RAPH1: variants seen among roughly 807,000 people sequenced by gnomAD.
RAPH1 encodes ras-associated and pleckstrin homology domains-containing protein 1.
RAPH1 carries 18 observed loss-of-function variants against 88.1 expected under a neutral mutation model. The observed-to-expected ratio is 0.20, with a 90% CI of 0.14 to 0.30. The LOEUF is 0.30. Among genes scored for constraint, RAPH1 ranks in the 10% least tolerant of loss-of-function variants. RAPH1 has a pLI of 1.00. For synonymous variants in RAPH1, 587 were observed against 559.0 expected, an observed-to-expected ratio of 1.05 and a Z score of -0.71; for missense variants, 1,448 against 1,543.2, an observed-to-expected ratio of 0.94 and a Z score of 1.03.
chr2:203,457,625 G>GT, intron 7 of RAPH1, 30 bp from the exon 8 acceptor site: 1 of 1,499,902 alleles, frequency 6.7e-7, no homozygotes, highest in Non-Finnish European at 9.3e-7. Context: ...GAAGGGATGG[G>GT]TGGGAGAGAA....
intron 4 of RAPH1, among the ~76,000 whole-genome samples, chr2:203,470,477 AAAAAAG>A (rs1189473379): frequency 6.6e-6 from 1 of 152,240 alleles, no homozygotes; most frequent in Non-Finnish European, 1.5e-5. Flanking sequence ...AGAAAATGTA[AAAAAAG>A]AAAAAGAAAA....
intron 1 of RAPH1, among the ~76,000 whole-genome samples, chr2:203,516,443 G>A (rs1689609589): frequency 6.6e-6 from 1 of 152,216 alleles, no homozygotes; most frequent in Non-Finnish European, 1.5e-5. Context: ...CAGTCTAAAT[G>A]TATCAATTGA....
chr2:203,493,971 C>CAAAAAAAAA (rs397937732), intron 2 of RAPH1, among the ~76,000 whole-genome samples: 16 of 18,936 alleles, frequency 8.4e-4, no homozygotes, highest in Non-Finnish European at 9.5e-4. Flanking sequence ...GACTCTATCT[C>CAAAAAAAAA]AAAAAAAAAA....
chr2:203,455,666 G>C, intron 8 of RAPH1, 86 bp from the exon 9 acceptor site: 1 of 1,257,832 alleles, frequency 8.0e-7, no homozygotes, highest in Non-Finnish European at 1.1e-6. Flanking sequence ...ATGCATGACA[G>C]TTATTAAACC....
chr2:203,483,228 G>A (rs748280928), intron 4 of RAPH1, among the ~76,000 whole-genome samples: 13 of 152,318 alleles, frequency 8.5e-5, no homozygotes, highest in Middle Eastern at 6.8e-3. Context: ...CTGCAGTGTG[G>A]ATGATAGACT....
Position 203,506,733 on chromosome 2 carries a change from G to GAT in RAPH1, c.1-11382_1-11381dup, listed in dbSNP as rs530184132. Among the ~76,000 whole-genome samples the GAT allele has an allele frequency of 2.4e-3, 255 of 106,270 alleles. 9 individuals are homozygous for GAT. Among genetic ancestry groups the GAT allele is most frequent in the East Asian group, 0.017 (69 of 4,022 alleles). The allele number at this position is 106,270 out of a possible 152,430, so 69.7% of individuals were successfully genotyped here. A position where few individuals can be genotyped will look rare whatever the true frequency, so the allele number is the denominator to read the frequency against. ...ATCCACTGACTAAAATCCATATATA[G>GAT]ATATATATCTATATATATATATATC... is the stretch of plus-strand genomic sequence containing the variant. On this transcript the variant is annotated intron_variant, in intron 1 of 13. Transcript: ENST00000319170.
At chr2:203,484,202 TA>T (rs1391713660) in intron 4 of RAPH1, among the ~76,000 whole-genome samples, 3 of 152,196 alleles carry the variant, frequency 2.0e-5, no homozygotes, top group Non-Finnish European at 4.4e-5. Flanking sequence ...TATATTTCCT[TA>T]AATCTAAGAA....
chr2:203,500,289 A>G (rs1314715075), intron 1 of RAPH1, among the ~76,000 whole-genome samples: 1 of 152,202 alleles, frequency 6.6e-6, no homozygotes, highest in Non-Finnish European at 1.5e-5. Context: ...AATATGTAAG[A>G]GAAAGGAGAA....
intron 12 of RAPH1, chr2:203,446,046 G>A (rs1462739563): frequency 6.6e-6 from 1 of 152,166 alleles, no homozygotes; most frequent in Non-Finnish European, 1.5e-5. Context: ...CACAACTAAG[G>A]AAATGTCCTG....
At chr2:203,506,888 ATATATATATATTTT>A (rs1689106730) in intron 1 of RAPH1, among the ~76,000 whole-genome samples, 3 of 103,170 alleles carry the variant, frequency 2.9e-5, no homozygotes, top group African/African-American at 1.6e-4. Flanking sequence ...ATAGATATAT[ATATATATATATTTT>A]TTTTTTTTTT....
chr2:203,530,226 C>T (rs780977346), intron 1 of RAPH1, among the ~76,000 whole-genome samples: 4 of 152,138 alleles, frequency 2.6e-5, no homozygotes, highest in African/African-American at 4.8e-5. Flanking sequence ...GTTTTAAAAA[C>T]TATTTCACAA....
chr2:203,514,045 G>T (rs1035275552), intron 1 of RAPH1, among the ~76,000 whole-genome samples: 2 of 151,944 alleles, frequency 1.3e-5, no homozygotes, highest in Non-Finnish European at 2.9e-5. Context: ...GTTTCATCAT[G>T]TTGGGCAGGC....
intron 4 of RAPH1, among the ~76,000 whole-genome samples, chr2:203,475,664 G>C (rs1374524855): frequency 6.7e-6 from 1 of 149,822 alleles, no homozygotes; most frequent in East Asian, 1.9e-4. Flanking sequence ...GTATATACAA[G>C]TATGTCATTA....
At chr2:203,534,935 C>T (rs576739356) in intron 1 of RAPH1, among the ~76,000 whole-genome samples, 176 bp downstream of exon 1, 1 of 152,306 alleles carries the variant, frequency 6.6e-6, no homozygotes, top group Non-Finnish European at 1.5e-5. Flanking sequence ...CAGCCAGCCC[C>T]GGCCCGATCC....
intron 1 of RAPH1, among the ~76,000 whole-genome samples, chr2:203,527,668 C>A (rs957901396): frequency 1.3e-5 from 2 of 151,744 alleles, no homozygotes; most frequent in African/African-American, 4.8e-5. Context: ...GGCGTGTTGG[C>A]GCATGCCTGT....
intron 4 of RAPH1, among the ~76,000 whole-genome samples, chr2:203,477,822 G>A (rs1025294033): frequency 2.2e-4 from 33 of 152,198 alleles, no homozygotes; most frequent in African/African-American, 7.9e-4. Context: ...GTGAGGAGAA[G>A]AGGAAAATGT....
chr2:203,434,058 A>ATC lies in RAPH1; in HGVS notation c.*5378_*5379insGA, dbSNP rs10650424. On this transcript the variant is annotated 3_prime_UTR_variant, in exon 14 of 14. Transcript: ENST00000319170. ...CTCTCATATATCTATCTATCTATCT[A>ATC]TATATATATATATATATATATAGCT... 37,970 of 137,824 alleles carry ATC rather than the reference A, an allele frequency of 0.28. 4,868 individuals are homozygous for ATC. Among genetic ancestry groups the ATC allele is most frequent in the Middle Eastern group, 0.37 (97 of 262 alleles). 8.5% of individuals were successfully genotyped at this position (137,824 alleles called of 1,614,324 possible).
At chr2:203,457,664 C>T (rs2256607) in intron 7 of RAPH1, 69 bp from the exon 8 acceptor site, 60,200 of 1,111,792 alleles carry the variant, frequency 0.054, 3,409 homozygotes, top group African/African-American at 0.27. Flanking sequence ...TAAATCCATT[C>T]TGTTATTCCC....
chr2:203,526,706 C>CAAAAAA (rs34932665), intron 1 of RAPH1, among the ~76,000 whole-genome samples: 9 of 80,620 alleles, frequency 1.1e-4, no homozygotes, highest in African/African-American at 2.0e-4. Context: ...AACTCTGTCT[C>CAAAAAA]AAAAAAAAAA....
Sources: allele counts gnomAD v4.1 joint callset (sites outside exome capture counted in the v4.1 genomes callset), GRCh38; gene constraint gnomAD v4.1.1; transcripts MANE v1.5; gene names NCBI Gene and HGNC (gene_info 2026-07-23, HGNC 2026-07-21).